The following SVEP1 variants were observed in gnomAD, a reference collection of about 807,000 sequenced individuals.
SVEP1 encodes sushi, von Willebrand factor type A, EGF and pentraxin domain containing 1.
Under a neutral mutation model 367.3 loss-of-function variants are expected in SVEP1, and 164 were observed. The observed-to-expected ratio is 0.45, with a 90% CI of 0.39 to 0.51. SVEP1 has a LOEUF of 0.51. Among genes scored for constraint, SVEP1 ranks in the 20% least tolerant of loss-of-function variants. The pLI, the probability that SVEP1 is intolerant of heterozygous loss-of-function variation, is 0.00. For synonymous variants in SVEP1, 1,666 were observed against 1,611.6 expected, an observed-to-expected ratio of 1.03 and a Z score of -0.81; for missense variants, 4,117 against 4,425.3, an observed-to-expected ratio of 0.93 and a Z score of 1.98.
intron 3 of SVEP1, among the ~76,000 whole-genome samples, chr9:110,541,646 T>C (rs894600599): frequency 4.6e-5 from 7 of 152,084 alleles, no homozygotes; most frequent in African/African-American, 4.8e-5. Flanking sequence ...TGGTTGAGAA[T>C]TGATGTGCCA....
In SVEP1 at chr9:110,408,186, A is replaced by C. The variant is rs1200772682; in HGVS notation, c.7414T>G (p.Leu2472Val). Residue 2472 changes from leucine (L) to valine (V), a missense_variant, in exon 38 of 48, where the codon TTG becomes GTG. Coordinates refer to ENST00000374469, the MANE Select transcript of SVEP1 (RefSeq NM_153366.4). The part of the protein sequence containing the change: ...ALYTCKPGFE[L>V]VGNTTTLCGE... ...CAAAGGGTGGTAGTATTTCCCACCA[A>C]TTCAAAGCCTGGCTTGCAGGTATAG... 1 of 1,613,878 alleles carries C rather than the reference A, an allele frequency of 6.2e-7. No homozygotes were observed. Among genetic ancestry groups the C allele is most frequent in the Non-Finnish European group, 8.5e-7 (1 of 1,179,898 alleles).
chr9:110,578,524 C>T (rs1830652709), intron 1 of SVEP1, among the ~76,000 whole-genome samples: 1 of 152,134 alleles, frequency 6.6e-6, no homozygotes, highest in African/African-American at 2.4e-5. Context: ...TCCGACATCC[C>T]AAACTGACTT....
intron 8 of SVEP1, among the ~76,000 whole-genome samples, chr9:110,494,447 G>A (rs1236618087): frequency 2.0e-5 from 3 of 152,084 alleles, no homozygotes; most frequent in African/African-American, 7.2e-5. Flanking sequence ...AAGAACTATT[G>A]GTATACCCTA....
At chr9:110,490,613 C>A (rs1829353320) in intron 8 of SVEP1, among the ~76,000 whole-genome samples, 2 of 151,912 alleles carry the variant, frequency 1.3e-5, no homozygotes, top group African/African-American at 4.8e-5. Flanking sequence ...TTATTATTTC[C>A]TTGTAATAGA....
chr9:110,403,296 G>GTGTTTTTTTTTTTTTT (rs1827893050), intron 39 of SVEP1, among the ~76,000 whole-genome samples: 2 of 43,458 alleles, frequency 4.6e-5, no homozygotes, highest in East Asian at 1.4e-3. Flanking sequence ...CGCCACCGCC[G>GTGTTTTTTTTTTTTTT]TTTTTTTTTT....
At chr9:110,430,243 A>G (rs1410527755) in intron 33 of SVEP1, 31 bp downstream of exon 33, 3 of 1,590,200 alleles carry the variant, frequency 1.9e-6, no homozygotes, top group Admixed American at 1.8e-5. Flanking sequence ...ATTGCCAAAC[A>G]TAAGAAACGT....
In SVEP1 at chr9:110,526,347, C is replaced by T. The variant is rs140043146; in HGVS notation, c.965-12241G>A. On this transcript the variant is annotated intron_variant, in intron 3 of 47. Transcript: ENST00000374469. ...TAACTTAAAAGTAGAAAAACAAAAA[C>T]AACAATTAGACAATGAACAAAAGAC... Among the ~76,000 whole-genome samples, 139 of 152,046 alleles carry T rather than the reference C, an allele frequency of 9.1e-4. 1 individual carries two copies. Among genetic ancestry groups the T allele is most frequent in the African/African-American group, 3.0e-3 (125 of 41,540 alleles).
At chr9:110,452,026 G>A (rs1320823770) in intron 22 of SVEP1, among the ~76,000 whole-genome samples, 2 of 152,108 alleles carry the variant, frequency 1.3e-5, no homozygotes, top group Admixed American at 6.6e-5. Flanking sequence ...AAGAAAAGAC[G>A]TACAAAGACT....
chr9:110,508,723 T>C (rs1388468828), intron 5 of SVEP1, among the ~76,000 whole-genome samples: 1 of 126,718 alleles, frequency 7.9e-6, no homozygotes, highest in African/African-American at 3.1e-5. Flanking sequence ...ATCGTGCCAC[T>C]GCACTCCAGC....
intron 43 of SVEP1, among the ~76,000 whole-genome samples, chr9:110,384,333 C>T (rs201935922): frequency 7.2e-5 from 11 of 151,988 alleles, no homozygotes; most frequent in East Asian, 3.9e-4. Flanking sequence ...TGCTTTTTCT[C>T]GCTTTCTGTG....
chr9:110,401,531 TTA>T lies in SVEP1; in HGVS notation c.9667-524_9667-523del, dbSNP rs558848264. On this transcript the variant is annotated intron_variant, in intron 39 of 47. Coordinates refer to ENST00000374469, the MANE Select transcript of SVEP1 (RefSeq NM_153366.4). Reference sequence around the variant, plus strand: ...TTGAAGGGGTCATGTAGAAAAAAATTTATATATATATATATAATTTTGTATCT... The same window carrying T: ...TTGAAGGGGTCATGTAGAAAAAAATTTATATATATATATAATTTTGTATCT... Among the ~76,000 whole-genome samples the T allele has an allele frequency of 8.7e-3, 1,283 of 147,526 alleles. 21 individuals are homozygous for T. The highest frequency in any genetic ancestry group is 0.03 in the African/African-American group (1,216 of 40,568).
chr9:110,522,447 T>C (rs1829887393), intron 3 of SVEP1, among the ~76,000 whole-genome samples: 1 of 152,218 alleles, frequency 6.6e-6, no homozygotes, highest in Non-Finnish European at 1.5e-5. Context: ...GATTGTGGGA[T>C]AGGCCAGTGG....
chr9:110,509,839 G>A (rs1829681114), intron 5 of SVEP1, among the ~76,000 whole-genome samples: 1 of 152,180 alleles, frequency 6.6e-6, no homozygotes, highest in Non-Finnish European at 1.5e-5. Context: ...AATAAATTCT[G>A]TGCTCATAAT....
At chr9:110,374,897 A>G (rs1318589887) in intron 46 of SVEP1, among the ~76,000 whole-genome samples, 1 of 152,156 alleles carries the variant, frequency 6.6e-6, no homozygotes, top group Non-Finnish European at 1.5e-5. Flanking sequence ...TTTCAGCACT[A>G]TGCACAATAG....
At chr9:110,567,211 G>C (rs573392239) in intron 1 of SVEP1, among the ~76,000 whole-genome samples, 96 of 152,232 alleles carry the variant, frequency 6.3e-4, no homozygotes, top group Non-Finnish European at 1.0e-3. Flanking sequence ...AGTCAACTAA[G>C]ATGTGATCTT....
intron 14 of SVEP1, 98 bp from the exon 15 acceptor site, chr9:110,472,421 AT>A: frequency 8.5e-7 from 1 of 1,183,102 alleles, no homozygotes; most frequent in Non-Finnish European, 1.2e-6. Flanking sequence ...ACACTTGACC[AT>A]TTCCTCAAAT....
intron 3 of SVEP1, among the ~76,000 whole-genome samples, chr9:110,514,854 C>T (rs1286761951): frequency 6.6e-6 from 1 of 152,222 alleles, no homozygotes; most frequent in Non-Finnish European, 1.5e-5. Flanking sequence ...CAGCTCCTCT[C>T]TTAGCAAAGG....
At chr9:110,533,686 G>A (rs1588096161) in intron 3 of SVEP1, among the ~76,000 whole-genome samples, 1 of 152,278 alleles carries the variant, frequency 6.6e-6, no homozygotes, top group African/African-American at 2.4e-5. Context: ...CAACGAGTTT[G>A]GAATGATGGG....
chr9:110,397,437 A>G (rs1310557332), intron 40 of SVEP1, among the ~76,000 whole-genome samples: 1 of 152,222 alleles, frequency 6.6e-6, no homozygotes, highest in Non-Finnish European at 1.5e-5. Context: ...CTGGCATAAG[A>G]CAGGGATGCC....
Sources: gnomAD v4.1 joint callset for allele counts (sites outside exome capture counted in the v4.1 genomes callset) on GRCh38, gnomAD v4.1.1 for gene constraint, MANE v1.5 for transcripts, NCBI Gene and HGNC (gene_info 2026-07-23, HGNC 2026-07-21) for gene names.